Variants in IKBKG observed in about 807,000 individuals in gnomAD.
IKBKG encodes inhibitor of nuclear factor kappa B kinase regulatory subunit gamma.
A neutral mutation model predicts 13.7 loss-of-function variants in IKBKG; 2 were observed. The ratio of observed to expected loss-of-function variants is 0.15; its 90% CI spans 0.06 to 0.46. The LOEUF is 0.46. Ranked by LOEUF, IKBKG falls within the 20% of genes least tolerant of loss-of-function variation. The pLI, the probability that IKBKG is intolerant of heterozygous loss-of-function variation, is 0.98. For missense variants in IKBKG, 53 were observed against 150.3 expected (o/e 0.35, Z 3.39); for synonymous variants, 22 against 64.4 (o/e 0.34, Z 3.15).
At chrX:154,552,924 C>T (rs2070973835) in intron 2 of IKBKG, among the ~76,000 whole-genome samples, 1 of 112,128 alleles carries the variant, frequency 8.9e-6, no homozygotes, top group African/African-American at 3.2e-5. Flanking sequence ...ATTCTTCCCC[C>T]TCACCCCCTC....
At chrX:154,550,235 TGTG>T (rs2070890505) in intron 1 of IKBKG, among the ~76,000 whole-genome samples, 1 of 86,943 alleles carries the variant, frequency 1.2e-5, no homozygotes, top group Non-Finnish European at 2.2e-5. Context: ...GATGTGCTCT[TGTG>T]TGTGTGTGTG....
chrX:154,550,224 A>G (rs781921766), intron 1 of IKBKG, among the ~76,000 whole-genome samples: 2 of 104,499 alleles, frequency 1.9e-5, no homozygotes, highest in Non-Finnish European at 3.9e-5. Flanking sequence ...TTGATGGATT[A>G]GATGTGCTCT....
At chrX:154,552,881 G>A (rs1240444122) in intron 2 of IKBKG, among the ~76,000 whole-genome samples, 2 of 112,069 alleles carry the variant, frequency 1.8e-5, no homozygotes, top group East Asian at 2.8e-4. Context: ...TCCTGCCCGC[G>A]CCCTGGGCGT....
chrX:154,543,081 T>C (rs2472393), upstream of IKBKG, among the ~76,000 whole-genome samples: 71,940 of 111,337 alleles, frequency 0.65, 20,026 homozygotes, highest in East Asian at 0.87. Context: ...GGAAGAAGCC[T>C]GGGAGCCGGA....
upstream of IKBKG, chrX:154,546,779 G>T (rs935099185): frequency 1.9e-5 from 22 of 1,155,645 alleles, no homozygotes; most frequent in Non-Finnish European, 2.5e-5. Flanking sequence ...GCGCCCGCCC[G>T]GCCGGTTACC....
intron 1 of IKBKG, among the ~76,000 whole-genome samples, chrX:154,551,387 C>T (rs2070927854): frequency 9.0e-6 from 1 of 110,923 alleles, no homozygotes; most frequent in South Asian, 3.8e-4. Flanking sequence ...GGGCTTGTGG[C>T]TGCCTCACTC....
chrX:154,551,694 C>T (rs2070937446), intron 1 of IKBKG, among the ~76,000 whole-genome samples: 1 of 111,280 alleles, frequency 9.0e-6, no homozygotes, highest in Admixed American at 9.5e-5. Flanking sequence ...GGATTCCCAG[C>T]ATACTGACAT....
intron 1 of IKBKG, chrX:154,542,203 C>A: frequency 2.6e-6 from 2 of 761,145 alleles, no homozygotes; most frequent in African/African-American, 4.2e-5. Context: ...AGGCGGGGGC[C>A]GCTGGGTCAT....
At chrX:154,546,488 T>A (rs1386749881), upstream of IKBKG, among the ~76,000 whole-genome samples, 2 of 111,824 alleles carry the variant, frequency 1.8e-5, no homozygotes, top group Non-Finnish European at 3.8e-5. Context: ...CCCAGGACCA[T>A]CTCATTCCCG....
upstream of IKBKG, chrX:154,547,448 G>T (rs782426682): frequency 3.2e-5 from 24 of 755,194 alleles, no homozygotes; most frequent in Non-Finnish European, 3.3e-5. Flanking sequence ...CTGCAAAGTG[G>T]CCGGCGTGCT....
chrX:154,547,224 A>T (rs1162183876), upstream of IKBKG: 2 of 548,747 alleles, frequency 3.6e-6, no homozygotes, highest in Non-Finnish European at 2.2e-6. Flanking sequence ...TTCCGCCGGC[A>T]GCGTGGCCAC....
chrX:154,552,931 C>T (rs936920537), intron 2 of IKBKG, among the ~76,000 whole-genome samples: 3 of 112,131 alleles, frequency 2.7e-5, no homozygotes, highest in Non-Finnish European at 5.7e-5. Context: ...CCCCTCACCC[C>T]CTCTCCCTGC....
upstream of IKBKG, chrX:154,546,856 GC>G: frequency 9.0e-7 from 1 of 1,111,064 alleles, no homozygotes; most frequent in African/African-American, 1.9e-5. Context: ...CGGGGGCTGA[GC>G]CCCGCCGGCC....
intron 2 of IKBKG, among the ~76,000 whole-genome samples, chrX:154,553,490 A>G (rs1327160129): frequency 8.9e-6 from 1 of 112,513 alleles, no homozygotes; most frequent in Non-Finnish European, 1.9e-5. Flanking sequence ...CCATGGAGGA[A>G]GGGGTCAGTG....
upstream of IKBKG, chrX:154,542,390 G>A (rs782367664): frequency 1.7e-5 from 20 of 1,205,362 alleles, no homozygotes; most frequent in Admixed American, 4.2e-4. Flanking sequence ...CCCATCAGGT[G>A]GGGAAAGATG....
intron 1 of IKBKG, among the ~76,000 whole-genome samples, chrX:154,549,246 G>A (rs2070856722): frequency 9.1e-6 from 1 of 110,106 alleles, no homozygotes; most frequent in Non-Finnish European, 1.9e-5. Flanking sequence ...CTCCCAAAGT[G>A]CTGGGATTAC....
At chrX:154,545,769 AG>A (rs2070687363), upstream of IKBKG, 97 of 310,498 alleles carry the variant, frequency 3.1e-4, 1 homozygote, top group South Asian at 3.6e-3. Flanking sequence ...CAGGAGGCCG[AG>A]GTTGCAGTGA....
intron 1 of IKBKG, among the ~76,000 whole-genome samples, chrX:154,549,754 GC>G (rs2070876200): frequency 9.0e-6 from 1 of 110,699 alleles, no homozygotes; most frequent in Admixed American, 9.6e-5. Flanking sequence ...GCCCTAAGTG[GC>G]ACTCCCCAGC....
upstream of IKBKG, among the ~76,000 whole-genome samples, chrX:154,545,038 C>G (rs948041911): frequency 9.0e-6 from 1 of 111,517 alleles, no homozygotes; most frequent in Non-Finnish European, 1.9e-5. Context: ...AAACTGAGAC[C>G]ACGTGTAATT....
Sources: allele counts gnomAD v4.1 joint callset (sites outside exome capture counted in the v4.1 genomes callset), GRCh38; gene constraint gnomAD v4.1.1; transcripts MANE v1.5; gene names NCBI Gene and HGNC (gene_info 2026-07-23, HGNC 2026-07-21).